The following COL6A6 variants were observed in gnomAD, a reference collection of about 807,000 sequenced individuals.
COL6A6 encodes collagen alpha-6(VI) chain.
COL6A6 carries 183 observed loss-of-function variants against 208.6 expected under a neutral mutation model. The ratio of observed to expected loss-of-function variants is 0.88; its 90% CI spans 0.78 to 0.99. The LOEUF (loss-of-function observed/expected upper bound fraction) is 0.99, where lower values mean the gene tolerates loss of function less well. COL6A6 is among the 50% of genes least tolerant of loss of function. The pLI is 0.00. For synonymous variants in COL6A6, 973 were observed against 1,011.8 expected, an observed-to-expected ratio of 0.96 and a Z score of 0.73; for missense variants, 2,816 against 2,815.2, an observed-to-expected ratio of 1.00 and a Z score of -0.01.
intron 31 of COL6A6, among the ~76,000 whole-genome samples, chr3:130,644,260 G>C (rs1464289337): frequency 2.0e-5 from 3 of 152,236 alleles, no homozygotes; most frequent in Non-Finnish European, 4.4e-5. Context: ...CCCTGCAAGA[G>C]AGAAGTCTAA....
At chr3:130,558,691 AT>A (rs1347630034) in intron 1 of COL6A6, among the ~76,000 whole-genome samples, 1 of 152,196 alleles carries the variant, frequency 6.6e-6, no homozygotes, top group Non-Finnish European at 1.5e-5. Flanking sequence ...TTTCTCTCTC[AT>A]AACTCCAAAA....
At chr3:130,649,676 T>A (rs2065577910) in intron 33 of COL6A6, 114 bp downstream of exon 33, 1 of 1,169,306 alleles carries the variant, frequency 8.6e-7, no homozygotes, top group Non-Finnish European at 1.2e-6. Flanking sequence ...GTTTAAAAAA[T>A]TCTGGATTGG....
At chr3:130,640,811 G>C (rs977488620) in intron 28 of COL6A6, among the ~76,000 whole-genome samples, 3 of 151,970 alleles carry the variant, frequency 2.0e-5, no homozygotes, top group African/African-American at 4.8e-5. Flanking sequence ...TAATGATTGT[G>C]TTTCTGTTGT....
intron 1 of COL6A6, among the ~76,000 whole-genome samples, chr3:130,554,077 G>A (rs1293847484): frequency 6.6e-6 from 1 of 152,182 alleles, no homozygotes; most frequent in East Asian, 1.9e-4. Flanking sequence ...CTGTGCTGAA[G>A]GGGCCAATGT....
At chr3:130,623,832 A>G (rs2064807847) in intron 24 of COL6A6, among the ~76,000 whole-genome samples, 1 of 152,210 alleles carries the variant, frequency 6.6e-6, no homozygotes, top group Non-Finnish European at 1.5e-5. Flanking sequence ...TCCAAGAGGA[A>G]ACAAGACAAT....
intron 23 of COL6A6, 139 bp downstream of exon 23, chr3:130,610,850 G>T: frequency 1.6e-6 from 1 of 632,202 alleles, no homozygotes; most frequent in Non-Finnish European, 2.8e-6. Flanking sequence ...TCAATGTGGT[G>T]GCCACATCAC....
In COL6A6 at chr3:130,571,047, G is replaced by C. The variant is rs1258894624; in HGVS notation, c.2631G>C (p.Gln877His). 12 of 1,613,882 alleles carry C rather than the reference G, an allele frequency of 7.4e-6. No homozygotes were observed. The highest frequency in any genetic ancestry group is 1.0e-5 in the Non-Finnish European group (12 of 1,179,830). Reference sequence around the variant, plus strand: ...AACTGGAGGTAATTTCAGTGCTCCAGAATGACCAAGCCATGGGTGGCAGTA... The same window carrying C: ...AACTGGAGGTAATTTCAGTGCTCCACAATGACCAAGCCATGGGTGGCAGTA... ...GTKLEVISVL[Q>H]NDQAMGGSTY... Residue 877 changes from glutamine to histidine, a missense_variant, in exon 7 of 37, where the codon CAG becomes CAC. Coordinates refer to ENST00000358511, the MANE Select transcript of COL6A6 (RefSeq NM_001102608.3).
intron 13 of COL6A6, 83 bp from the exon 14 acceptor site, chr3:130,592,458 G>A (rs532374332): frequency 9.5e-7 from 1 of 1,048,382 alleles, no homozygotes; most frequent in Admixed American, 2.5e-5. Flanking sequence ...CACTTTTTTT[G>A]GTAACAAAAA....
chr3:130,658,649 T>A (rs760155203), intron 33 of COL6A6, 27 bp from the exon 34 acceptor site: 3 of 1,542,596 alleles, frequency 1.9e-6, no homozygotes, highest in Non-Finnish European at 2.7e-6. Context: ...CCCACTAAGT[T>A]CTTTCTGCTG....
chr3:130,603,049 A>G (rs2064072810), intron 20 of COL6A6, among the ~76,000 whole-genome samples: 1 of 152,242 alleles, frequency 6.6e-6, no homozygotes, highest in Admixed American at 6.5e-5. Context: ...GGCCAGTGGT[A>G]GGAGTGGCAT....
chr3:130,583,926 A>G (rs2063479725), intron 10 of COL6A6, among the ~76,000 whole-genome samples: 1 of 152,220 alleles, frequency 6.6e-6, no homozygotes, highest in South Asian at 2.1e-4. Context: ...GCCGGGCATC[A>G]ATATGTGTAA....
At chr3:130,624,286 G>A (rs2064821914) in intron 24 of COL6A6, among the ~76,000 whole-genome samples, 1 of 152,182 alleles carries the variant, frequency 6.6e-6, no homozygotes, top group African/African-American at 2.4e-5. Flanking sequence ...AGTAGACAGA[G>A]TAGATGATTA....
chr3:130,619,941 T>G (rs1325933106), intron 23 of COL6A6, among the ~76,000 whole-genome samples: 1 of 152,148 alleles, frequency 6.6e-6, no homozygotes, highest in Non-Finnish European at 1.5e-5. Context: ...ATGGGAATTT[T>G]ATTTATTTTT....
chr3:130,599,804 A>T lies in COL6A6; in HGVS notation c.4647A>T (p.Arg1549Ser). 1 of 1,613,702 alleles carries T rather than the reference A, an allele frequency of 6.2e-7. No homozygotes were observed. Among genetic ancestry groups the T allele is most frequent in the Non-Finnish European group, 8.5e-7 (1 of 1,179,756 alleles). The part of the protein sequence containing the change: ...PGPPGTPGSR[R>S]KTAAHGRRGH... ...CCCCCGGGACACCAGGCTCCAGAAG[A>T]AAGACAGTAAGAGCCCTTCTAGACA... Residue 1549 changes from arginine (R) to serine (S), a missense_variant, in exon 20 of 37, where the codon AGA (arginine) becomes AGT (serine). By Grantham distance (110) the Arg-to-Ser change is moderately radical (BLOSUM62 -1). Transcript: ENST00000358511.
chr3:130,560,336 T>C lies in COL6A6; in HGVS notation c.-29T>C. 6.3e-7 allele frequency: 1 copy of C among 1,586,120 alleles called. No individual in the cohort carries two copies. Among genetic ancestry groups the C allele is most frequent in the Non-Finnish European group, 8.6e-7 (1 of 1,163,128 alleles). ...TGTTTATATTTTTGCCTTTTCAGATTTGAAGTTGAAGATTTTTCAGGTCAT... is the reference window on the plus strand; with the variant it reads ...TGTTTATATTTTTGCCTTTTCAGATCTGAAGTTGAAGATTTTTCAGGTCAT... On this transcript the variant is annotated splice_region_variant and 5_prime_UTR_variant, in exon 2 of 37. Coordinates refer to ENST00000358511, the MANE Select transcript of COL6A6 (RefSeq NM_001102608.3).
At position 130,567,066 on chromosome 3, in the gene COL6A6, C is replaced by T. The variant is rs771433710; in HGVS notation, c.1647C>T (p.Ser549=). The part of the protein sequence containing the change: ...CHLVVLTNGM[S]KDSILEPANR... ...TTGTTGTCCTGACAAATGGCATGTC[C>T]AAGGATAGCATCTTGGAGCCTGCAA... The change falls in exon 5 of 37, where the codon TCC becomes TCT. Residue 549 remains serine (S), a synonymous_variant. Transcript: ENST00000358511. The T allele has an allele frequency of 1.2e-6, 2 of 1,613,954 alleles. No homozygotes were observed. The highest frequency in any genetic ancestry group is 3.3e-5 in the Admixed American group (2 of 60,014).
chr3:130,560,199 G>C, intron 1 of COL6A6, 135 bp from the exon 2 acceptor site: 1 of 541,608 alleles, frequency 1.8e-6, no homozygotes, highest in Non-Finnish European at 3.2e-6. Flanking sequence ...TCACATATTA[G>C]AAGGTCAGTG....
intron 24 of COL6A6, among the ~76,000 whole-genome samples, chr3:130,625,082 A>T (rs2064844982): frequency 6.6e-6 from 1 of 152,218 alleles, no homozygotes; most frequent in Non-Finnish European, 1.5e-5. Context: ...GTTGGGTTCC[A>T]CTTACCAGAG....
At chr3:130,674,642 T>G (rs1479319069) in intron 36 of COL6A6, among the ~76,000 whole-genome samples, 1 of 152,234 alleles carries the variant, frequency 6.6e-6, no homozygotes, top group South Asian at 2.1e-4. Flanking sequence ...ATGCTTTCAT[T>G]AGACAAATAC....
Sources: allele counts gnomAD v4.1 joint callset (sites outside exome capture counted in the v4.1 genomes callset), GRCh38; gene constraint gnomAD v4.1.1; transcripts MANE v1.5; gene names NCBI Gene and HGNC (gene_info 2026-07-23, HGNC 2026-07-21).